HDAC9: variants seen among roughly 807,000 people sequenced by gnomAD.
HDAC9 encodes histone deacetylase 9, also known as MEF-2 interacting transcription repressor (MITR) protein.
Under a neutral mutation model 139.4 loss-of-function variants are expected in HDAC9, and 41 were observed. The ratio of observed to expected loss-of-function variants is 0.29; its 90% confidence interval spans 0.23 to 0.38. The LOEUF (loss-of-function observed/expected upper bound fraction) is 0.38. HDAC9 is among the 10% of genes least tolerant of loss of function. The pLI, the probability that HDAC9 is intolerant of heterozygous loss-of-function variation, is 1.00. For synonymous variants in HDAC9, 517 were observed against 476.2 expected (o/e 1.09, Z -1.12); for missense variants, 1,147 against 1,297.0 (o/e 0.88, Z 1.78).
At position 18,996,333 on chromosome 7, in the gene HDAC9, TG is replaced by T. The variant is rs1786461789; in HGVS notation, c.*274del. 1 of 364,190 alleles carries T rather than the reference TG, an allele frequency of 2.7e-6. No individual in the cohort carries two copies. The highest frequency in any genetic ancestry group is 5.1e-6 in the Non-Finnish European group (1 of 194,192). 22.6% of individuals were successfully genotyped at this position (364,190 alleles called of 1,614,324 possible). A position where few individuals can be genotyped will look rare whatever the true frequency, so the allele number is the denominator to read the frequency against. On this transcript the variant is annotated 3_prime_UTR_variant, in exon 26 of 26. Coordinates refer to ENST00000686413, the MANE Select transcript of HDAC9 (RefSeq NM_178425.4). ...TGCTTCCAGCATGCTTTTAATATGC[TG>T]GGTGACCCACTCCTAGACACCAAGT...
At chr7:18,841,822 C>T (rs1481400603) in intron 21 of HDAC9, among the ~76,000 whole-genome samples, 2 of 152,208 alleles carry the variant, frequency 1.3e-5, no homozygotes, top group South Asian at 2.1e-4. Flanking sequence ...GTCTTCTCCT[C>T]ATCTGACATA....
At chr7:18,991,875 G>A (rs189601225) in intron 25 of HDAC9, among the ~76,000 whole-genome samples, 56 of 152,334 alleles carry the variant, frequency 3.7e-4, no homozygotes, top group African/African-American at 1.3e-3. Context: ...AATGGAGAAT[G>A]TGAGTTCTAT....
intron 2 of HDAC9, among the ~76,000 whole-genome samples, chr7:18,518,980 A>G (rs1804114895): frequency 6.6e-6 from 1 of 152,158 alleles, no homozygotes; most frequent in African/African-American, 2.4e-5. Flanking sequence ...TAGAAATTGA[A>G]TCTTTATGTC....
intron 1 of HDAC9, among the ~76,000 whole-genome samples, chr7:18,354,889 A>G (rs752206449): frequency 3.3e-5 from 5 of 152,138 alleles, no homozygotes; most frequent in Admixed American, 6.6e-5. Flanking sequence ...TATCTCTGAG[A>G]CCAGTGTTTG....
At chr7:18,263,064 A>G (rs1331221968) in intron 2 of HDAC9, among the ~76,000 whole-genome samples, 7 of 152,198 alleles carry the variant, frequency 4.6e-5, no homozygotes, top group Admixed American at 3.3e-4. Context: ...AGATGTTGAA[A>G]GAATGGATAA....
At chr7:18,995,576 A>G (rs1452168599) in intron 25 of HDAC9, among the ~76,000 whole-genome samples, 6 of 152,212 alleles carry the variant, frequency 3.9e-5, no homozygotes, top group Non-Finnish European at 5.9e-5. Context: ...CAGGCAGCCA[A>G]TCCAGTTATG....
At chr7:18,302,645 T>G (rs975398738) in intron 1 of HDAC9, among the ~76,000 whole-genome samples, 1 of 152,254 alleles carries the variant, frequency 6.6e-6, no homozygotes, top group East Asian at 1.9e-4. Flanking sequence ...AAATTGACTT[T>G]GCCTTCATTT....
rs568030541 is a variant in HDAC9, at chr7:18,495,834, G to C, written c.-231G>C. 1.9e-6 allele frequency: 2 copies of C among 1,033,170 alleles called. No homozygotes were observed. The highest frequency in any genetic ancestry group is 3.4e-5 in the African/African-American group (2 of 59,284). The allele number at this position is 1,033,170 out of a possible 1,614,324, so 64.0% of individuals were successfully genotyped here. A position where few individuals can be genotyped will look rare whatever the true frequency, so the allele number is the denominator to read the frequency against. ...GGGTTTTTGCAACAAAACCCTAGCA[G>C]CCTGAAGAACTCTAAGCCAGGTTTA... On this transcript the variant is annotated 5_prime_UTR_variant, in exon 1 of 26. Transcript: ENST00000686413.
At chr7:18,771,221 G>T (rs780429922) in intron 16 of HDAC9, among the ~76,000 whole-genome samples, 9 of 152,096 alleles carry the variant, frequency 5.9e-5, no homozygotes, top group Admixed American at 2.0e-4. Flanking sequence ...CAGTCAATCT[G>T]TGAACACAAA....
At chr7:18,454,427 C>T (rs1387006896) in intron 1 of HDAC9, among the ~76,000 whole-genome samples, 5 of 151,962 alleles carry the variant, frequency 3.3e-5, no homozygotes, top group African/African-American at 1.2e-4. Flanking sequence ...TCTTCACTTC[C>T]TATGTAAGGC....
chr7:18,365,369 C>T (rs1784098966), intron 1 of HDAC9, among the ~76,000 whole-genome samples: 2 of 152,066 alleles, frequency 1.3e-5, no homozygotes, highest in African/African-American at 2.4e-5. Context: ...CTATGTATGT[C>T]ATGAGCAGTT....
At chr7:18,757,083 AAGAC>A (rs1280879713) in intron 14 of HDAC9, among the ~76,000 whole-genome samples, 6 of 152,108 alleles carry the variant, frequency 3.9e-5, no homozygotes, top group Admixed American at 6.6e-5. Flanking sequence ...TTTTTTAAGA[AAGAC>A]AGATAGATAA....
At chr7:18,181,511 C>T (rs1178340) in intron 2 of HDAC9, among the ~76,000 whole-genome samples, 81,805 of 152,058 alleles carry the variant, frequency 0.54, 23,218 homozygotes, top group African/African-American at 0.72. Context: ...TCAGTAACTA[C>T]AAGGATTATG....
intron 2 of HDAC9, among the ~76,000 whole-genome samples, chr7:18,497,856 G>A (rs1797340071): frequency 6.6e-6 from 1 of 152,042 alleles, no homozygotes; most frequent in African/African-American, 2.4e-5. Context: ...CTTCCAAGTA[G>A]CAAGTGTCTG....
At chr7:18,874,387 T>G (rs1799162900) in intron 21 of HDAC9, 91 bp from the exon 22 acceptor site, 1 of 654,636 alleles carries the variant, frequency 1.5e-6, no homozygotes, top group African/African-American at 1.8e-5. Context: ...TCTTGGGAGG[T>G]TCCTATTGTT....
At chr7:18,729,297 T>C (rs1785829429) in intron 13 of HDAC9, among the ~76,000 whole-genome samples, 2 of 151,260 alleles carry the variant, frequency 1.3e-5, no homozygotes, top group Non-Finnish European at 2.9e-5. Flanking sequence ...TATAATAATA[T>C]TAAAAATTAA....
At chr7:18,349,391 T>C (rs1341394946) in intron 1 of HDAC9, among the ~76,000 whole-genome samples, 2 of 150,986 alleles carry the variant, frequency 1.3e-5, no homozygotes, top group Non-Finnish European at 2.9e-5. Flanking sequence ...TGCTGGCTTA[T>C]TTTTTCTCTA....
intron 16 of HDAC9, among the ~76,000 whole-genome samples, chr7:18,781,516 A>G (rs1470750874): frequency 6.6e-6 from 1 of 152,042 alleles, no homozygotes; most frequent in East Asian, 1.9e-4. Context: ...CTTACCCACT[A>G]TGCTGTTCTT....
chr7:18,321,595 G>A (rs73305293), intron 1 of HDAC9, among the ~76,000 whole-genome samples: 3,181 of 152,114 alleles, frequency 0.021, 112 homozygotes, highest in African/African-American at 0.072. Context: ...TTCAGAAATT[G>A]TACATATTGG....
Sources: gnomAD v4.1 joint callset for allele counts (sites outside exome capture counted in the v4.1 genomes callset) on GRCh38, gnomAD v4.1.1 for gene constraint, MANE v1.5 for transcripts, NCBI Gene and HGNC (gene_info 2026-07-23, HGNC 2026-07-21) for gene names.